Variants in PATE4 observed in about 807,000 individuals in gnomAD.
The protein encoded by PATE4 is prostate and testis expressed 4, also known as prostate and testis expressed protein 4.
A neutral mutation model predicts 8.5 loss-of-function variants in PATE4; 13 were observed. The observed-to-expected ratio is 1.53, with a 90% CI of 1.00 to 2.43. PATE4 has a LOEUF of 2.43. PATE4 is among the 30% of genes most tolerant of loss of function. PATE4 has a pLI of 0.00. For missense variants in PATE4, 127 were observed against 115.5 expected (o/e 1.10, Z -0.46); for synonymous variants, 47 against 39.3 (o/e 1.20, Z -0.73).
chr11:125,839,933 C>T lies in PATE4; in HGVS notation c.*1506C>T, dbSNP rs1262354015. On this transcript the variant is annotated 3_prime_UTR_variant, in exon 3 of 3. Coordinates refer to ENST00000457514, the MANE Select transcript of PATE4 (RefSeq NM_001144874.1). ...TGACTGTACATTTGTAGTTCTCCCACCTCTCTGAAGAATCCTCTGTGAGGG... is the reference window on the plus strand; with the variant it reads ...TGACTGTACATTTGTAGTTCTCCCATCTCTCTGAAGAATCCTCTGTGAGGG... 6.6e-6 allele frequency: 1 copy of T among 152,194 alleles called. No homozygotes were observed. The highest frequency in any genetic ancestry group is 1.5e-5 in the Non-Finnish European group (1 of 68,040). 9.4% of individuals were successfully genotyped at this position (152,194 alleles called of 1,614,324 possible). A position where few individuals can be genotyped will look rare whatever the true frequency, so the allele number is the denominator to read the frequency against.
chr11:125,834,725 C>T (rs1210364238), intron 1 of PATE4, among the ~76,000 whole-genome samples: 4 of 152,112 alleles, frequency 2.6e-5, no homozygotes, highest in Admixed American at 6.5e-5. Flanking sequence ...ATATGTTCAG[C>T]ATTATTTATT....
intron 1 of PATE4, chr11:125,835,433 A>T (rs1219792538): frequency 6.6e-6 from 1 of 152,202 alleles, no homozygotes; most frequent in African/African-American, 2.4e-5. Context: ...ATGCCATATC[A>T]AGCAAGTCAG....
At chr11:125,835,781 T>A (rs1943915644) in intron 1 of PATE4, 1 of 152,212 alleles carries the variant, frequency 6.6e-6, no homozygotes, top group Non-Finnish European at 1.5e-5. Flanking sequence ...CGATGACATC[T>A]TTCCTGTCCT....
chr11:125,837,999 T>A lies in PATE4; in HGVS notation c.175+15T>A. On this transcript the variant is annotated intron_variant, in intron 2 of 2. Transcript: ENST00000457514. ...CTATTTCAGGGGTAAGTGGGGCTCA[T>A]GAAGACTCCAAAATTGCCTGCAAAG... 1 of 1,532,544 alleles carries A rather than the reference T, an allele frequency of 6.5e-7. No homozygotes were observed. Among genetic ancestry groups the A allele is most frequent in the Non-Finnish European group, 8.9e-7 (1 of 1,129,762 alleles). 94.9% of individuals were successfully genotyped at this position (1,532,544 alleles called of 1,614,324 possible). A position where few individuals can be genotyped will look rare whatever the true frequency, so the allele number is the denominator to read the frequency against.
chr11:125,836,029 G>A (rs10893434), intron 1 of PATE4: 30,522 of 151,844 alleles, frequency 0.2, 3,189 homozygotes, highest in East Asian at 0.3. Flanking sequence ...AGAAACGTGG[G>A]CTTTTAATAG....
At chr11:125,837,801 T>G in intron 1 of PATE4, 67 bp from the exon 2 acceptor site, 1 of 1,113,872 alleles carries the variant, frequency 9.0e-7, no homozygotes. Flanking sequence ...CTCTTACTGA[T>G]GCTGAAAACT....
Position 125,833,992 on chromosome 11 carries a change from A to G in PATE4, c.58+575A>G, listed in dbSNP as rs985651830. Among the ~76,000 whole-genome samples the G allele has an allele frequency of 3.9e-5, 6 of 152,012 alleles. No individual in the cohort carries two copies. The South Asian group carries it at 1.2e-3, about 32-fold the overall frequency. ...CCTTGAAATCTCCCTCTCCCTTAAC[A>G]CTCACTAAAAATTAGTGAATGATTC... On this transcript the variant is annotated intron_variant, in intron 1 of 2. Transcript: ENST00000457514.
chr11:125,833,425 T>A lies in PATE4; in HGVS notation c.58+8T>A. 6.4e-7 allele frequency: 1 copy of A among 1,551,096 alleles called. No individual in the cohort carries two copies. Among genetic ancestry groups the A allele is most frequent in the East Asian group, 2.4e-5 (1 of 40,896 alleles). On this transcript the variant is annotated splice_region_variant and intron_variant, in intron 1 of 2. Transcript: ENST00000457514. ...TTCTCTACCTCAAAGAGGGTAAGTT[T>A]GAACAATGGGGGTGGAGGGAGGCAA...
chr11:125,836,842 T>A (rs933299149), intron 1 of PATE4, among the ~76,000 whole-genome samples: 2 of 152,140 alleles, frequency 1.3e-5, no homozygotes, highest in Non-Finnish European at 2.9e-5. Context: ...ACTAACATCA[T>A]CCTTTCCCTC....
rs1311236946 is a variant in PATE4 at position 125,838,508 on chromosome 11, C to T, written c.*81C>T. On this transcript the variant is annotated 3_prime_UTR_variant, in exon 3 of 3. Transcript: ENST00000457514. ...CCAACATGAACTGTTTTATTTCCCA[C>T]ACCAAATTCCACACTGGCCTAAGAT... 7.0e-7 allele frequency: 1 copy of T among 1,431,246 alleles called. No individual in the cohort carries two copies. Among genetic ancestry groups the T allele is most frequent in the Non-Finnish European group, 9.2e-7 (1 of 1,085,806 alleles). 88.7% of individuals were successfully genotyped at this position (1,431,246 alleles called of 1,614,324 possible).
chr11:125,833,606 A>G (rs1381161386), intron 1 of PATE4, among the ~76,000 whole-genome samples, 189 bp downstream of exon 1: 1 of 152,186 alleles, frequency 6.6e-6, no homozygotes, highest in Non-Finnish European at 1.5e-5. Context: ...ATTGCAGGGA[A>G]ACAGGACAAT....
Position 125,833,387 on chromosome 11 carries a change from G to A in PATE4, c.28G>A (p.Val10Met). 1.9e-6 allele frequency: 3 copies of A among 1,551,538 alleles called. No individual in the cohort carries two copies. Among genetic ancestry groups the A allele is most frequent in the South Asian group, 1.2e-5 (1 of 84,050 alleles). Residue 10 changes from valine to methionine, a missense_variant, in exon 1 of 3, where the codon GTG becomes ATG. Coordinates refer to ENST00000457514, the MANE Select transcript of PATE4 (RefSeq NM_001144874.1). Reference protein sequence around the residue: MRKMNTLLLVSLSFLYLKEV... With the variant: MRKMNTLLLMSLSFLYLKEV... ...GAGGAAAATGAACACACTGCTCCTT[G>A]TGAGCTTATCTTTTCTCTACCTCAA...
At chr11:125,838,254 C>T (rs753326701) in intron 2 of PATE4, 52 bp from the exon 3 acceptor site, 1 of 1,480,812 alleles carries the variant, frequency 6.8e-7, no homozygotes, top group African/African-American at 1.4e-5. Flanking sequence ...TTTAGTAAGT[C>T]ACTAGTAAGG....
intron 1 of PATE4, chr11:125,835,059 T>G (rs140165756): frequency 6.6e-6 from 1 of 152,346 alleles, no homozygotes; most frequent in East Asian, 1.9e-4. Context: ...CAACATTCTT[T>G]TTCTATTACT....
intron 2 of PATE4, 62 bp downstream of exon 2, chr11:125,838,046 C>G: frequency 7.7e-7 from 1 of 1,301,416 alleles, no homozygotes; most frequent in South Asian, 1.3e-5. Context: ...TTGCTAGTGC[C>G]TGGAATAAAG....
At chr11:125,835,820 G>C (rs966582983) in intron 1 of PATE4, 35 of 152,184 alleles carry the variant, frequency 2.3e-4, no homozygotes, top group African/African-American at 8.2e-4. Context: ...CTCACCAACT[G>C]AAATGGGTCA....
rs1178477779 is a variant in PATE4 at position 125,839,971 on chromosome 11, T to C, written c.*1544T>C. 2 of 152,158 alleles carry C rather than the reference T, an allele frequency of 1.3e-5. No homozygotes were observed. Among genetic ancestry groups the C allele is most frequent in the Non-Finnish European group, 2.9e-5 (2 of 68,028 alleles). The allele number at this position is 152,158 out of a possible 1,614,324, so 9.4% of individuals were successfully genotyped here. On this transcript the variant is annotated 3_prime_UTR_variant, in exon 3 of 3. Transcript: ENST00000457514. ...TCCTCTGTGAGGGTCTCTGGGGACT[T>C]TGTTTTGATTTGTTATTGTTTTTAT...
Position 125,838,550 on chromosome 11 carries a change from G to C in PATE4, c.*123G>C. 1 of 1,221,350 alleles carries C rather than the reference G, an allele frequency of 8.2e-7. No homozygotes were observed. Among genetic ancestry groups the C allele is most frequent in the Non-Finnish European group, 1.1e-6 (1 of 919,352 alleles). The allele number at this position is 1,221,350 out of a possible 1,614,324, so 75.7% of individuals were successfully genotyped here. ...GCCTAAGATCCCAGAGAGAGCTGCA[G>C]GGGCTGTCCTCATTGCAATGAAGGG... On this transcript the variant is annotated 3_prime_UTR_variant, in exon 3 of 3. Transcript: ENST00000457514.
chr11:125,835,650 ACTCAAGAAAATGAGTTCTCCTGG>A (rs956338240), intron 1 of PATE4: 1 of 152,168 alleles, frequency 6.6e-6, no homozygotes, highest in African/African-American at 2.4e-5. Context: ...GACTCAAGGA[ACTCAAGAAAATGAGTTCTCCTGG>A]CTCAAGAAAA....
Sources: allele counts gnomAD v4.1 joint callset (sites outside exome capture counted in the v4.1 genomes callset), GRCh38; gene constraint gnomAD v4.1.1; transcripts MANE v1.5; gene names NCBI Gene and HGNC (gene_info 2026-07-23, HGNC 2026-07-21).